Variants in RPRD1B observed in about 807,000 individuals in gnomAD.
RPRD1B encodes regulation of nuclear pre-mRNA domain-containing protein 1B.
Under a neutral mutation model 41.5 loss-of-function variants are expected in RPRD1B, and 11 were observed. The observed-to-expected ratio is 0.27, with a 90% CI of 0.17 to 0.44. RPRD1B has a LOEUF of 0.44. RPRD1B is among the 20% of genes least tolerant of loss of function. The pLI is 1.00. For synonymous variants in RPRD1B, 158 were observed against 155.6 expected, an observed-to-expected ratio of 1.02 and a Z score of -0.12; for missense variants, 248 against 389.9, an observed-to-expected ratio of 0.64 and a Z score of 3.06.
At position 38,091,190 on chromosome 20, in the gene RPRD1B, T is replaced by A; in HGVS notation, c.*1315T>A. On this transcript the variant is annotated 3_prime_UTR_variant, in exon 7 of 7. Transcript: ENST00000373433. ...ATTTGCCCCAGTAGTGTAATAGGAG[T>A]TATAGACCAGAGGCTGAAACCCAAA... is the stretch of plus-strand genomic sequence containing the variant. 3.0e-6 allele frequency: 3 copies of A among 985,696 alleles called. No individual in the cohort carries two copies. In the South Asian group the frequency reaches 1.4e-4, roughly 46 times the overall value. The allele number at this position is 985,696 out of a possible 1,614,324, so 61.1% of individuals were successfully genotyped here. A position where few individuals can be genotyped will look rare whatever the true frequency, so the allele number is the denominator to read the frequency against.
chr20:38,062,477 A>C (rs773295440), intron 5 of RPRD1B, among the ~76,000 whole-genome samples: 34 of 151,988 alleles, frequency 2.2e-4, no homozygotes, highest in Admixed American at 2.0e-3. Context: ...TTTCAAGCTT[A>C]CTCTGCCCCA....
At chr20:38,052,733 C>T (rs1005706971) in intron 3 of RPRD1B, among the ~76,000 whole-genome samples, 1 of 146,398 alleles carries the variant, frequency 6.8e-6, no homozygotes. Context: ...AACACTGCTG[C>T]ACTCGGACCA....
chr20:38,068,195 CG>C (rs1430595251), intron 6 of RPRD1B, among the ~76,000 whole-genome samples: 1 of 152,168 alleles, frequency 6.6e-6, no homozygotes, highest in Admixed American at 6.5e-5. Flanking sequence ...TTGCTCTGCG[CG>C]GTTCATTCAG....
chr20:38,048,841 T>C (rs576504075), intron 3 of RPRD1B, among the ~76,000 whole-genome samples: 14 of 152,324 alleles, frequency 9.2e-5, no homozygotes, highest in Non-Finnish European at 1.9e-4. Flanking sequence ...TTAACTACAA[T>C]AGGACCTTGG....
Position 38,065,939 on chromosome 20 carries a change from C to A in RPRD1B, c.656-142C>A, listed in dbSNP as rs951533781. The A allele has an allele frequency of 6.8e-6, 5 of 734,620 alleles. No homozygotes were observed. In the African/African-American group the frequency reaches 8.8e-5, roughly 13 times the overall value. 45.5% of individuals were successfully genotyped at this position (734,620 alleles called of 1,614,324 possible). ...GCCTTTGGATTTCTTGCTTAATCAA[C>A]TCATTGTTTGTCCACAGGTGCTGGC... is the stretch of plus-strand genomic sequence containing the variant. On this transcript the variant is annotated intron_variant, in intron 5 of 6. Transcript: ENST00000373433.
Position 38,056,002 on chromosome 20 carries a change from A to C in RPRD1B, c.416-1530A>C, listed in dbSNP as rs780174403. Among the ~76,000 whole-genome samples the C allele has an allele frequency of 2.0e-5, 3 of 152,186 alleles. No homozygotes were observed. In the South Asian group the frequency reaches 6.2e-4, roughly 31 times the overall value. Reference sequence around the variant, plus strand: ...TCATTTAACGAAGCCATGGTAACAAATCTGTGTATAATAGTATGCGCAAAG... The same window carrying C: ...TCATTTAACGAAGCCATGGTAACAACTCTGTGTATAATAGTATGCGCAAAG... On this transcript the variant is annotated intron_variant, in intron 3 of 6. Coordinates refer to ENST00000373433, the MANE Select transcript of RPRD1B (RefSeq NM_021215.4).
intron 5 of RPRD1B, among the ~76,000 whole-genome samples, chr20:38,062,840 T>TCCCC (rs1568654107): frequency 1.6e-4 from 5 of 30,988 alleles, no homozygotes; most frequent in Admixed American, 3.7e-4. Flanking sequence ...CCCCCCCCCT[T>TCCCC]TTTTTTTTTT....
At chr20:38,056,356 A>C in intron 3 of RPRD1B, among the ~76,000 whole-genome samples, 1 of 152,080 alleles carries the variant, frequency 6.6e-6, no homozygotes. Context: ...GTGTCACTGC[A>C]CTCCAGCCTG....
At position 38,091,515 on chromosome 20, in the gene RPRD1B, G is replaced by A. The variant is rs1312194640; in HGVS notation, c.*1640G>A. 8.1e-6 allele frequency: 8 copies of A among 985,220 alleles called. No homozygotes were observed. The highest frequency in any genetic ancestry group is 1.1e-4 in the East Asian group (1 of 8,826). The allele number at this position is 985,220 out of a possible 1,614,324, so 61.0% of individuals were successfully genotyped here. ...TGTTTGCTTATGGACACTGCCTGTC[G>A]TTCTGTCACTGTTAAATTAATGAGT... On this transcript the variant is annotated 3_prime_UTR_variant, in exon 7 of 7. Transcript: ENST00000373433.
At chr20:38,051,982 C>G (rs1177311992) in intron 3 of RPRD1B, among the ~76,000 whole-genome samples, 1 of 152,158 alleles carries the variant, frequency 6.6e-6, no homozygotes, top group Non-Finnish European at 1.5e-5. Flanking sequence ...AACTCCCAAC[C>G]TCAGGTGATC....
At chr20:38,074,634 A>G (rs989060857) in intron 6 of RPRD1B, among the ~76,000 whole-genome samples, 1 of 152,196 alleles carries the variant, frequency 6.6e-6, no homozygotes, top group African/African-American at 2.4e-5. Flanking sequence ...ATGTAGCACT[A>G]ATTTTTCATA....
intron 6 of RPRD1B, 96 bp downstream of exon 6, chr20:38,066,352 A>AAACGATAAAAATGT: frequency 8.7e-7 from 1 of 1,152,070 alleles, no homozygotes; most frequent in Non-Finnish European, 1.2e-6. Flanking sequence ...CAACATTTTT[A>AAACGATAAAAATGT]TCGTTTAAAA....
In RPRD1B at chr20:38,090,046, C is replaced by T; in HGVS notation, c.*171C>T. The T allele has an allele frequency of 1.5e-6, 2 of 1,371,408 alleles. No individual in the cohort carries two copies. Among genetic ancestry groups the T allele is most frequent in the East Asian group, 2.6e-5 (1 of 38,936 alleles). The allele number at this position is 1,371,408 out of a possible 1,614,324, so 85.0% of individuals were successfully genotyped here. A position where few individuals can be genotyped will look rare whatever the true frequency, so the allele number is the denominator to read the frequency against. The stretch of plus-strand genomic sequence containing the variant: ...CCTCTTCAGCCTCTCATCTTGAGCA[C>T]AGTTCAGAACAGTGGCGACTGGAAT... On this transcript the variant is annotated 3_prime_UTR_variant, in exon 7 of 7. Transcript: ENST00000373433.
In RPRD1B at chr20:38,048,335, C is replaced by T. The variant is rs2074141458; in HGVS notation, c.282-13C>T. The T allele has an allele frequency of 8.7e-6, 14 of 1,606,088 alleles. No homozygotes were observed. Among genetic ancestry groups the T allele is most frequent in the Admixed American group, 3.4e-5 (2 of 59,488 alleles). ...CTTAAGCTTATATATATCTTTTCAT[C>T]TTTTCTGGGCAGAGAGGCAGATGAA... On this transcript the variant is annotated splice_polypyrimidine_tract_variant and intron_variant, in intron 2 of 6. Transcript: ENST00000373433.
chr20:38,081,068 T>G (rs1467735051), intron 6 of RPRD1B, among the ~76,000 whole-genome samples: 1 of 152,230 alleles, frequency 6.6e-6, no homozygotes. Flanking sequence ...GTAGATGCTG[T>G]GCATGCAAAA....
rs745460325 is a variant in RPRD1B, at chr20:38,066,159, C to T, written c.734C>T (p.Ala245Val). 3 of 1,614,154 alleles carry T rather than the reference C, an allele frequency of 1.9e-6. No individual in the cohort carries two copies. Among genetic ancestry groups the T allele is most frequent in the Non-Finnish European group, 2.5e-6 (3 of 1,180,020 alleles). Residue 245 changes from alanine (A) to valine (V), a missense_variant, in exon 6 of 7, where the codon GCA becomes GTA. By Grantham distance (64) the Ala-to-Val change is moderately conservative. Around this residue, in one of 5 missense-constraint regions of RPRD1B, gnomAD observed 93 missense variants for 167.2 expected, o/e 0.56. Transcript: ENST00000373433. ...CTAGCAGAATATAACGGGCGCCTGG[C>T]AGCAGAACTGGAGGACCGTCGCCAG... The part of the protein sequence containing the change: ...LLLAEYNGRL[A>V]AELEDRRQLA...
Position 38,059,664 on chromosome 20 carries a change from T to G in RPRD1B, c.655+144T>G, listed in dbSNP as rs977451799. The G allele has an allele frequency of 2.1e-5, 15 of 724,060 alleles. No individual in the cohort carries two copies. The African/African-American group carries it at 2.8e-4, about 13-fold the overall frequency. 44.9% of individuals were successfully genotyped at this position (724,060 alleles called of 1,614,324 possible). ...TCTACCATCTTGGGATTTGCAAACA[T>G]AACTCACATGGTGAACAAAGAAACT... On this transcript the variant is annotated intron_variant, in intron 5 of 6. Transcript: ENST00000373433.
chr20:38,058,333 ACATGT>A (rs1420995625), intron 4 of RPRD1B, among the ~76,000 whole-genome samples: 1 of 152,244 alleles, frequency 6.6e-6, no homozygotes, highest in East Asian at 1.9e-4. Context: ...TAAATAGGAA[ACATGT>A]CTAGTTTGTG....
At position 38,066,230 on chromosome 20, in the gene RPRD1B, T is replaced by C. The variant is rs2074354211; in HGVS notation, c.805T>C (p.Leu269=). ...GTATACCCAGAATCAGAAAGATGTT[T>C]TGTCGGAGAAGGAGAAAAAACTAGA... is the stretch of plus-strand genomic sequence containing the variant. ...VEYTQNQKDV[L]SEKEKKLEEY... The change falls in exon 6 of 7, where the codon TTG becomes CTG. Residue 269 remains leucine (L), a synonymous_variant. Coordinates refer to ENST00000373433, the MANE Select transcript of RPRD1B (RefSeq NM_021215.4). The C allele has an allele frequency of 5.0e-6, 8 of 1,614,022 alleles. No homozygotes were observed. Among genetic ancestry groups the C allele is most frequent in the Non-Finnish European group, 6.8e-6 (8 of 1,180,020 alleles).
Sources: gnomAD v4.1 joint callset for allele counts (sites outside exome capture counted in the v4.1 genomes callset) on GRCh38, gnomAD v4.1.1 for gene constraint, gnomAD v4.1.1 regional missense constraint, MANE v1.5 for transcripts, NCBI Gene and HGNC (gene_info 2026-07-23, HGNC 2026-07-21) for gene names.